Variants in ERC2 observed in about 807,000 individuals in gnomAD.
ERC2 encodes ERC protein 2.
Under a neutral mutation model 114.8 loss-of-function variants are expected in ERC2, and 42 were observed. The observed-to-expected ratio is 0.37, with a 90% confidence interval of 0.29 to 0.47. The LOEUF (loss-of-function observed/expected upper bound fraction) is 0.47, where lower values mean the gene tolerates loss of function less well. Ranked by LOEUF, ERC2 falls within the 20% of genes least tolerant of loss-of-function variation. The probability of loss-of-function intolerance (pLI) is 0.99; values close to 1 mark genes in which losing one functional copy is unlikely to be tolerated. For missense variants in ERC2, 939 were observed against 1,150.7 expected (o/e 0.82, Z 2.66); for synonymous variants, 454 against 425.5 (o/e 1.07, Z -0.82).
intron 4 of ERC2, among the ~76,000 whole-genome samples, chr3:56,156,902 T>A (rs1309820062): frequency 6.6e-6 from 1 of 152,102 alleles, no homozygotes; most frequent in East Asian, 1.9e-4. Context: ...AAATCCATAT[T>A]TATTTGTAAG....
intron 17 of ERC2, among the ~76,000 whole-genome samples, chr3:55,662,418 T>C (rs1320829767): frequency 6.6e-6 from 1 of 152,220 alleles, no homozygotes; most frequent in Non-Finnish European, 1.5e-5. Context: ...TCTATATATA[T>C]TGAAACGGAA....
At chr3:56,222,556 T>C (rs534286723) in intron 3 of ERC2, among the ~76,000 whole-genome samples, 1 of 152,280 alleles carries the variant, frequency 6.6e-6, no homozygotes, top group South Asian at 2.1e-4. Context: ...TGCGTACCAC[T>C]GCCCAAAATT....
rs563600129 is a variant in ERC2 at position 56,378,363 on chromosome 3, T to C, written c.657+55988A>G. 1.1e-3 allele frequency among the ~76,000 whole-genome samples: 151 copies of C among 137,944 alleles called. 1 individual carries two copies. Among genetic ancestry groups the C allele is most frequent in the African/African-American group, 2.4e-3 (86 of 36,560 alleles). 90.5% of individuals were successfully genotyped at this position (137,944 alleles called of 152,430 possible). The stretch of plus-strand genomic sequence containing the variant: ...GCATATTCTCACTCATAGGTGGGAA[T>C]TGAACAATGAGATCACATGGACACA... On this transcript the variant is annotated intron_variant, in intron 2 of 17. Transcript: ENST00000288221.
chr3:56,439,817 GATTAT>G (rs1161876163), intron 1 of ERC2, among the ~76,000 whole-genome samples: 1 of 151,560 alleles, frequency 6.6e-6, no homozygotes, highest in Non-Finnish European at 1.5e-5. Context: ...ATGCATATAA[GATTAT>G]ACACATGGCT....
Position 55,834,812 on chromosome 3 carries a change from CTGGT to C in ERC2, c.2564+53573_2564+53576del, listed in dbSNP as rs1459369777. 2.4e-5 allele frequency among the ~76,000 whole-genome samples: 3 copies of C among 124,536 alleles called. 1 individual carries two copies. The highest frequency in any genetic ancestry group is 4.8e-5 in the Non-Finnish European group (3 of 62,814). The allele number at this position is 124,536 out of a possible 152,430, so 81.7% of individuals were successfully genotyped here. A position where few individuals can be genotyped will look rare whatever the true frequency, so the allele number is the denominator to read the frequency against. On this transcript the variant is annotated intron_variant, in intron 14 of 17. Transcript: ENST00000288221. ...ACAAAAAACCCTTCAAAACCAGGAG[CTGGT>C]TTTTTGAAAGGATCAACAAAACTGA...
chr3:56,306,093 C>T (rs943810354), intron 2 of ERC2, among the ~76,000 whole-genome samples: 8 of 152,130 alleles, frequency 5.3e-5, no homozygotes, highest in African/African-American at 1.9e-4. Flanking sequence ...AAGTGATCCT[C>T]CCGCCTCGGC....
At chr3:56,036,516 C>T (rs1184992407) in intron 7 of ERC2, among the ~76,000 whole-genome samples, 1 of 152,058 alleles carries the variant, frequency 6.6e-6, no homozygotes, top group African/African-American at 2.4e-5. Context: ...CTGCCGTCAG[C>T]GGCACCAGGA....
intron 2 of ERC2, among the ~76,000 whole-genome samples, chr3:56,345,985 A>C (rs1439908036): frequency 6.6e-5 from 10 of 152,256 alleles, no homozygotes; most frequent in Middle Eastern, 3.2e-3. Context: ...TACATTTCAG[A>C]GATCTACCCC....
At chr3:56,023,445 C>T (rs1263961583) in intron 7 of ERC2, among the ~76,000 whole-genome samples, 1 of 152,118 alleles carries the variant, frequency 6.6e-6, no homozygotes, top group Admixed American at 6.6e-5. Flanking sequence ...TATATCTTCC[C>T]TATCTTTGCC....
intron 7 of ERC2, among the ~76,000 whole-genome samples, chr3:56,072,824 A>C (rs1036007594): frequency 3.3e-5 from 5 of 152,208 alleles, no homozygotes; most frequent in African/African-American, 9.6e-5. Flanking sequence ...TGGGTGGGCT[A>C]TCTCTGTTCT....
intron 17 of ERC2, among the ~76,000 whole-genome samples, chr3:55,574,370 T>C (rs565838872): frequency 2.0e-5 from 3 of 152,224 alleles, no homozygotes; most frequent in African/African-American, 7.2e-5. Flanking sequence ...AAAACAAACT[T>C]TTATCTCCCA....
intron 7 of ERC2, among the ~76,000 whole-genome samples, chr3:56,032,949 A>AAG (rs1347360848): frequency 8.0e-4 from 61 of 76,200 alleles, no homozygotes; most frequent in African/African-American, 2.4e-3. Flanking sequence ...GAAAGAAAGA[A>AAG]AGAAAGAAAC....
At chr3:55,825,372 T>C (rs1483866264) in intron 14 of ERC2, among the ~76,000 whole-genome samples, 5 of 152,208 alleles carry the variant, frequency 3.3e-5, no homozygotes, top group South Asian at 4.1e-4. Context: ...AAAAATACAA[T>C]ATACAGTTTA....
chr3:56,414,112 GCAAA>G (rs1269057773), intron 2 of ERC2, among the ~76,000 whole-genome samples: 2 of 152,294 alleles, frequency 1.3e-5, no homozygotes, highest in East Asian at 3.9e-4. Context: ...CATCAGAAAA[GCAAA>G]CAAAGGCAGC....
intron 17 of ERC2, among the ~76,000 whole-genome samples, chr3:55,591,536 C>T (rs1284512422): frequency 6.6e-6 from 1 of 151,560 alleles, no homozygotes; most frequent in East Asian, 1.9e-4. Context: ...AGGCCAGGAG[C>T]TATTTACGAG....
At chr3:55,981,164 G>A (rs1176555731) in intron 12 of ERC2, among the ~76,000 whole-genome samples, 1 of 152,210 alleles carries the variant, frequency 6.6e-6, no homozygotes, top group Non-Finnish European at 1.5e-5. Flanking sequence ...CTTTATGTCT[G>A]CAGGAGTTAT....
At chr3:55,831,124 T>C (rs2060548715) in intron 14 of ERC2, among the ~76,000 whole-genome samples, 1 of 142,020 alleles carries the variant, frequency 7.0e-6, no homozygotes, top group African/African-American at 2.7e-5. Context: ...CTAGGCAACA[T>C]GACAAGACCC....
intron 15 of ERC2, 85 bp from the exon 16 acceptor site, chr3:55,699,597 AG>A: frequency 7.1e-7 from 1 of 1,401,450 alleles, no homozygotes; most frequent in Non-Finnish European, 9.5e-7. Flanking sequence ...CAGTACCTAT[AG>A]GGATCCCTTT....
rs1553899549 is a variant in ERC2 at position 56,259,647 on chromosome 3, T to TGATATGATATGATA, written c.1074+36371_1074+36372insTATCATATCATATC. On this transcript the variant is annotated intron_variant, in intron 3 of 17. Coordinates refer to ENST00000288221, the MANE Select transcript of ERC2 (RefSeq NM_015576.3). ...TATAGTATGTAATTCTGGTACAGAT[T>TGATATGATATGATA]TGATATGATATGATATGATATGATA... 2.0e-4 allele frequency among the ~76,000 whole-genome samples: 29 copies of TGATATGATATGATA among 144,100 alleles called. No homozygotes were observed. The East Asian group carries it at 3.0e-3, about 15-fold the overall frequency. 94.5% of individuals were successfully genotyped at this position (144,100 alleles called of 152,430 possible).
Sources: gnomAD v4.1 joint callset for allele counts (sites outside exome capture counted in the v4.1 genomes callset) on GRCh38, gnomAD v4.1.1 for gene constraint, MANE v1.5 for transcripts, NCBI Gene and HGNC (gene_info 2026-07-23, HGNC 2026-07-21) for gene names.